PCBP3: variants seen among roughly 807,000 people sequenced by gnomAD.
The protein encoded by PCBP3 is poly(rC)-binding protein 3.
Under a neutral mutation model 52.7 loss-of-function variants are expected in PCBP3, and 25 were observed. The ratio of observed to expected loss-of-function variants is 0.47; its 90% confidence interval spans 0.35 to 0.66. The LOEUF (loss-of-function observed/expected upper bound fraction) is 0.66. PCBP3 is among the 30% of genes least tolerant of loss of function. PCBP3 has a pLI of 0.01. For synonymous variants in PCBP3, 162 were observed against 183.0 expected (o/e 0.89, Z 0.93); for missense variants, 391 against 490.3 (o/e 0.80, Z 1.91).
intron 1 of PCBP3, among the ~76,000 whole-genome samples, chr21:45,650,900 A>G (rs2079635424): frequency 6.6e-6 from 1 of 152,194 alleles, no homozygotes; most frequent in Admixed American, 6.5e-5. Flanking sequence ...CATTCTGGCC[A>G]TACCTAATTT....
chr21:45,899,849 T>C (rs1019649546), intron 7 of PCBP3, among the ~76,000 whole-genome samples: 1 of 152,190 alleles, frequency 6.6e-6, no homozygotes, highest in African/African-American at 2.4e-5. Flanking sequence ...TCACTCCAGC[T>C]GGTCACCTCG....
At chr21:45,767,086 G>A (rs1005302225) in intron 4 of PCBP3, among the ~76,000 whole-genome samples, 8 of 152,022 alleles carry the variant, frequency 5.3e-5, no homozygotes, top group Admixed American at 1.3e-4. Flanking sequence ...AAACTGTGCC[G>A]TTTTCAAGTG....
At chr21:45,764,272 G>A (rs1036504104) in intron 4 of PCBP3, among the ~76,000 whole-genome samples, 1 of 151,958 alleles carries the variant, frequency 6.6e-6, no homozygotes, top group African/African-American at 2.4e-5. Context: ...ACAGGCATGC[G>A]CCACCACGCC....
chr21:45,728,580 A>G (rs971516853), intron 2 of PCBP3: 1 of 152,208 alleles, frequency 6.6e-6, no homozygotes, highest in Admixed American at 6.5e-5. Context: ...TGCTTGCCTT[A>G]TAGAATGAAT....
chr21:45,852,797 T>G (rs959139717), intron 5 of PCBP3, among the ~76,000 whole-genome samples: 1 of 152,132 alleles, frequency 6.6e-6, no homozygotes, highest in Non-Finnish European at 1.5e-5. Context: ...ACTTGTCTAG[T>G]GAGATCTGAT....
At chr21:45,784,319 A>G (rs1350419393) in intron 4 of PCBP3, among the ~76,000 whole-genome samples, 1 of 132,998 alleles carries the variant, frequency 7.5e-6, no homozygotes, top group Non-Finnish European at 1.6e-5. Flanking sequence ...ACCACCAGGG[A>G]ATGTTAATAG....
chr21:45,672,087 GTTAATGGA>G (rs964365834), intron 2 of PCBP3, among the ~76,000 whole-genome samples: 1 of 152,138 alleles, frequency 6.6e-6, no homozygotes, highest in Non-Finnish European at 1.5e-5. Context: ...CTATTCATGG[GTTAATGGA>G]TTAATGGATT....
intron 1 of PCBP3, among the ~76,000 whole-genome samples, chr21:45,654,227 G>A (rs2079867220): frequency 6.6e-6 from 1 of 151,556 alleles, no homozygotes; most frequent in Non-Finnish European, 1.5e-5. Flanking sequence ...TCTTTTCTTT[G>A]CTCTTCATTG....
chr21:45,863,773 G>A (rs1019303234), intron 5 of PCBP3, among the ~76,000 whole-genome samples: 7 of 152,188 alleles, frequency 4.6e-5, no homozygotes, highest in Admixed American at 3.9e-4. Flanking sequence ...AGGGATTGAG[G>A]GCCCTGGGTG....
At chr21:45,734,709 G>A (rs147193892) in intron 2 of PCBP3, among the ~76,000 whole-genome samples, 1 of 152,246 alleles carries the variant, frequency 6.6e-6, no homozygotes, top group Non-Finnish European at 1.5e-5. Flanking sequence ...CCCTTCTCTG[G>A]GGATCGTTGT....
chr21:45,854,272 AGTT>A (rs1164984556), intron 5 of PCBP3, among the ~76,000 whole-genome samples: 3 of 152,132 alleles, frequency 2.0e-5, no homozygotes, highest in Admixed American at 6.5e-5. Flanking sequence ...TTTTATTTTT[AGTT>A]GTTGTAAAAT....
intron 4 of PCBP3, among the ~76,000 whole-genome samples, chr21:45,836,965 G>A (rs1286201032): frequency 1.3e-5 from 2 of 152,116 alleles, no homozygotes; most frequent in African/African-American, 4.8e-5. Context: ...CATGCGGCTC[G>A]CTTGCCATTG....
At chr21:45,801,501 C>A (rs2092303986) in intron 4 of PCBP3, among the ~76,000 whole-genome samples, 1 of 152,226 alleles carries the variant, frequency 6.6e-6, no homozygotes, top group Admixed American at 6.5e-5. Flanking sequence ...ATTTGCTCTT[C>A]TTGACATGGG....
intron 5 of PCBP3, chr21:45,859,921 G>A (rs972390012): frequency 2.0e-5 from 3 of 152,278 alleles, no homozygotes; most frequent in Admixed American, 6.5e-5. Flanking sequence ...ACAGAGGGCC[G>A]CTCCACTGTA....
intron 13 of PCBP3, among the ~76,000 whole-genome samples, chr21:45,920,600 G>A (rs1487487655): frequency 6.6e-6 from 1 of 152,184 alleles, no homozygotes; most frequent in East Asian, 1.9e-4. Context: ...ATTAGAGGGT[G>A]GGGGGTCCCA....
At chr21:45,886,227 G>A (rs1227751006) in intron 5 of PCBP3, among the ~76,000 whole-genome samples, 4 of 115,816 alleles carry the variant, frequency 3.5e-5, no homozygotes, top group African/African-American at 1.4e-4. Context: ...TGCTGCGGGT[G>A]CCAAGGGCAG....
intron 5 of PCBP3, among the ~76,000 whole-genome samples, chr21:45,861,145 TC>T (rs1006319511): frequency 2.6e-5 from 4 of 152,122 alleles, no homozygotes; most frequent in African/African-American, 9.7e-5. Flanking sequence ...TGCAGCCGCC[TC>T]CATGCCTTCT....
intron 4 of PCBP3, among the ~76,000 whole-genome samples, chr21:45,778,003 T>G (rs1469061935): frequency 1.3e-5 from 2 of 151,386 alleles, no homozygotes; most frequent in Non-Finnish European, 2.9e-5. Context: ...ATGTTTCTTG[T>G]GTTCATACTT....
At chr21:45,815,918 A>G (rs1283564807) in intron 4 of PCBP3, among the ~76,000 whole-genome samples, 3 of 88,316 alleles carry the variant, frequency 3.4e-5, no homozygotes, top group African/African-American at 4.9e-5. Context: ...GTGGTGAGTG[A>G]TGAGTGAGTG....
Sources: gnomAD v4.1 joint callset for allele counts (sites outside exome capture counted in the v4.1 genomes callset) on GRCh38, gnomAD v4.1.1 for gene constraint, MANE v1.5 for transcripts, NCBI Gene and HGNC (gene_info 2026-07-23, HGNC 2026-07-21) for gene names.